Variants in HOXC10 observed in about 807,000 individuals in gnomAD.
The protein encoded by HOXC10 is homeobox protein Hox-C10.
In HOXC10, 15 loss-of-function variants were observed where a neutral mutation model predicts 26.0. The ratio of observed to expected loss-of-function variants is 0.58; its 90% CI spans 0.39 to 0.89. The LOEUF (loss-of-function observed/expected upper bound fraction) is 0.89, where lower values mean the gene tolerates loss of function less well. Among genes scored for constraint, HOXC10 ranks in the 40% least tolerant of loss-of-function variants. HOXC10 has a pLI of 0.00. For synonymous variants in HOXC10, 196 were observed against 185.5 expected (o/e 1.06, Z -0.46); for missense variants, 446 against 451.9 (o/e 0.99, Z 0.12).
Position 53,985,710 on chromosome 12 carries a change from G to A in HOXC10, c.451G>A (p.Ala151Thr), listed in dbSNP as rs767108110. The A allele has an allele frequency of 3.1e-6, 5 of 1,609,984 alleles. No individual in the cohort carries two copies. The highest frequency in any genetic ancestry group is 4.2e-6 in the Non-Finnish European group (5 of 1,177,052). Residue 151 changes from alanine to threonine, a missense_variant, in exon 1 of 2, where the codon GCC becomes ACC. By Grantham distance (58) the Ala-to-Thr change is moderately conservative. Transcript: ENST00000303460. ...GGTACCCGTGCCCAGCTACTACCGC[G>A]CCAGCCCGAGCTACTCCGCGCTGGA... ...HEVPVPSYYR[A>T]SPSYSALDKT...
intron 1 of HOXC10, among the ~76,000 whole-genome samples, chr12:53,988,504 C>A (rs1334734255): frequency 6.6e-6 from 1 of 152,142 alleles, no homozygotes; most frequent in Admixed American, 6.5e-5. Flanking sequence ...CTCTGTTGCC[C>A]CTGACCTCTG....
intron 1 of HOXC10, among the ~76,000 whole-genome samples, chr12:53,988,247 T>C (rs1003031493): frequency 2.0e-5 from 3 of 152,204 alleles, no homozygotes; most frequent in African/African-American, 7.2e-5. Flanking sequence ...TCATGGGAAA[T>C]ACACAGTATT....
chr12:53,985,798 T>C lies in HOXC10; in HGVS notation c.539T>C (p.Leu180Pro). 6.2e-7 allele frequency: 1 copy of C among 1,613,692 alleles called. No homozygotes were observed. Among genetic ancestry groups the C allele is most frequent in the Non-Finnish European group, 8.5e-7 (1 of 1,179,980 alleles). Reference protein sequence around the residue: ...FEAPFEQRASLNPRAEHLESP... With the variant: ...FEAPFEQRASPNPRAEHLESP... Reference sequence around the variant, plus strand: ...GCCCCTTTCGAGCAGCGGGCCAGTCTCAACCCGCGCGCCGAACATCTGGAA... The same window carrying C: ...GCCCCTTTCGAGCAGCGGGCCAGTCCCAACCCGCGCGCCGAACATCTGGAA... The change falls in exon 1 of 2, where the codon CTC (leucine) becomes CCC (proline). Residue 180 changes from leucine (L) to proline (P), a missense_variant. By Grantham distance (98) the Leu-to-Pro change is moderately conservative. Coordinates refer to ENST00000303460, the MANE Select transcript of HOXC10 (RefSeq NM_017409.4).
At chr12:53,988,180 G>A (rs939967120) in intron 1 of HOXC10, among the ~76,000 whole-genome samples, 5 of 152,200 alleles carry the variant, frequency 3.3e-5, no homozygotes, top group Admixed American at 3.3e-4. Flanking sequence ...TACTTGAGAA[G>A]CAAGGCTGGT....
chr12:53,986,080 G>A lies in HOXC10; in HGVS notation c.751+70G>A, dbSNP rs1032044639. 7 of 1,463,686 alleles carry A rather than the reference G, an allele frequency of 4.8e-6. No homozygotes were observed. The East Asian group carries it at 9.5e-5, about 20-fold the overall frequency. 90.7% of individuals were successfully genotyped at this position (1,463,686 alleles called of 1,614,324 possible). On this transcript the variant is annotated intron_variant, in intron 1 of 1. Coordinates refer to ENST00000303460, the MANE Select transcript of HOXC10 (RefSeq NM_017409.4). Reference sequence around the variant, plus strand: ...TTGGTCTTCGCGGCCGGGGAGGGGGGCAGGGGAGAGGGTTGGGCCCAGGAG... The same window carrying A: ...TTGGTCTTCGCGGCCGGGGAGGGGGACAGGGGAGAGGGTTGGGCCCAGGAG...
chr12:53,985,326 G>C lies in HOXC10; in HGVS notation c.67G>C (p.Glu23Gln). ...AEPLAAPGGG[E>Q]RYSRSAGMYM... ...GCCCTTGGCTGCGCCCGGCGGAGGA[G>C]AGCGCTATAGCCGGAGCGCAGGCAT... The change falls in exon 1 of 2, where the codon GAG (glutamate) becomes CAG (glutamine). Residue 23 changes from glutamate (E) to glutamine (Q), a missense_variant. Physicochemically the swap from Glu to Gln is conservative, Grantham distance 29. Transcript: ENST00000303460. The C allele has an allele frequency of 1.9e-6, 3 of 1,608,344 alleles. No homozygotes were observed. In the Middle Eastern group the frequency reaches 5.0e-4, roughly 267 times the overall value.
chr12:53,986,974 G>A (rs1285456261), intron 1 of HOXC10, among the ~76,000 whole-genome samples: 1 of 151,416 alleles, frequency 6.6e-6, no homozygotes, highest in Admixed American at 6.5e-5. Context: ...GAAAGAATGT[G>A]GAGGAAACGG....
rs1395904347 is a variant in HOXC10 at position 53,985,697 on chromosome 12, C to CAGCTACTACCGCGCCAGCCCG, written c.446_466dup (p.Tyr149_Tyr155dup). 1 of 1,610,162 alleles carries CAGCTACTACCGCGCCAGCCCG rather than the reference C, an allele frequency of 6.2e-7. No individual in the cohort carries two copies. Among genetic ancestry groups the CAGCTACTACCGCGCCAGCCCG allele is most frequent in the South Asian group, 1.1e-5 (1 of 91,046 alleles). ...TTGGGGAGCACGAGGTACCCGTGCC[C>CAGCTACTACCGCGCCAGCCCG]AGCTACTACCGCGCCAGCCCGAGCT... On this transcript the variant is annotated inframe_insertion, in exon 1 of 2. Coordinates refer to ENST00000303460, the MANE Select transcript of HOXC10 (RefSeq NM_017409.4).
In HOXC10 at chr12:53,989,404, G is replaced by A. The variant is rs754518171; in HGVS notation, c.987G>A (p.Glu329=). 3.7e-5 allele frequency: 60 copies of A among 1,613,848 alleles called. No individual in the cohort carries two copies. In the Admixed American group the frequency reaches 9.8e-4, roughly 26 times the overall value. ...TGAAACTCAAGAAAATGAACCGAGA[G>A]AATCGGATCCGGGAACTGACCTCCA... ...RRMKLKKMNR[E]NRIRELTSNF... Residue 329 remains glutamate (E), a synonymous_variant, in exon 2 of 2, where the codon GAG becomes GAA. Coordinates refer to ENST00000303460, the MANE Select transcript of HOXC10 (RefSeq NM_017409.4).
chr12:53,985,671 C>G lies in HOXC10; in HGVS notation c.412C>G (p.Leu138Val), dbSNP rs769804747. The G allele has an allele frequency of 6.2e-7, 1 of 1,612,364 alleles. No individual in the cohort carries two copies. The highest frequency in any genetic ancestry group is 1.1e-5 in the South Asian group (1 of 91,074). ...CTCCCACCCCTTGCCGGAGTCCTGC[C>G]TTGGGGAGCACGAGGTACCCGTGCC... ...LYSHPLPESC[L>V]GEHEVPVPSY... Residue 138 changes from leucine to valine, a missense_variant, in exon 1 of 2, where the codon CTT becomes GTT. Coordinates refer to ENST00000303460, the MANE Select transcript of HOXC10 (RefSeq NM_017409.4).
intron 1 of HOXC10, among the ~76,000 whole-genome samples, chr12:53,987,093 C>G (rs1939448879): frequency 6.6e-6 from 1 of 152,202 alleles, no homozygotes; most frequent in African/African-American, 2.4e-5. Flanking sequence ...CCCCACAACA[C>G]CGGCTACTGG....
intron 1 of HOXC10, among the ~76,000 whole-genome samples, chr12:53,987,695 C>G (rs1401668260): frequency 6.6e-6 from 1 of 152,154 alleles, no homozygotes; most frequent in East Asian, 1.9e-4. Flanking sequence ...AGGAATCCCT[C>G]TTACCCTGTA....
At chr12:53,986,518 G>C (rs76080280) in intron 1 of HOXC10, 1 of 152,574 alleles carries the variant, frequency 6.6e-6, no homozygotes, top group African/African-American at 2.4e-5. Context: ...GTTGTTTGTG[G>C]GTCTGATTTG....
chr12:53,987,974 T>C (rs967416052), intron 1 of HOXC10, among the ~76,000 whole-genome samples: 7 of 152,116 alleles, frequency 4.6e-5, no homozygotes, highest in Admixed American at 3.3e-4. Flanking sequence ...TTTGCCTTTT[T>C]TGTGTGTTTT....
intron 1 of HOXC10, chr12:53,986,249 G>T: frequency 2.1e-6 from 1 of 472,534 alleles, no homozygotes; most frequent in East Asian, 3.6e-5. Context: ...CTAAGGCGGG[G>T]GCGGTGCGCA....
chr12:53,989,633 C>A lies in HOXC10; in HGVS notation c.*187C>A. ...GCTGCGAAGATGCTTCCACTTAAAG[C>A]ATGAGAAATGGGGTGCCGGGATGTG... On this transcript the variant is annotated 3_prime_UTR_variant, in exon 2 of 2. Coordinates refer to ENST00000303460, the MANE Select transcript of HOXC10 (RefSeq NM_017409.4). 1.6e-6 allele frequency: 1 copy of A among 630,682 alleles called. No homozygotes were observed. The highest frequency in any genetic ancestry group is 2.7e-6 in the Non-Finnish European group (1 of 366,532). The allele number at this position is 630,682 out of a possible 1,614,324, so 39.1% of individuals were successfully genotyped here.
rs1203899860 is a variant in HOXC10 at position 53,985,182 on chromosome 12, C to T, written c.-78C>T. 1.5e-6 allele frequency: 2 copies of T among 1,336,140 alleles called. No homozygotes were observed. Among genetic ancestry groups the T allele is most frequent in the East Asian group, 2.6e-5 (1 of 38,566 alleles). 82.8% of individuals were successfully genotyped at this position (1,336,140 alleles called of 1,614,324 possible). ...TCCTCCCTCCCCTCCAACCGCGCCC[C>T]CCCTCCCGGATGGGGAAAAAAAAAG... On this transcript the variant is annotated 5_prime_UTR_variant, in exon 1 of 2. Transcript: ENST00000303460.
In HOXC10 at chr12:53,989,986, T is replaced by C. The variant is rs1939494234; in HGVS notation, c.*540T>C. On this transcript the variant is annotated 3_prime_UTR_variant, in exon 2 of 2. Coordinates refer to ENST00000303460, the MANE Select transcript of HOXC10 (RefSeq NM_017409.4). ...CCATGTCTTTACCTCCCAGTCGCTCTAAGAATCTGCTTGAAGTCTCGTATT... is the reference window on the plus strand; with the variant it reads ...CCATGTCTTTACCTCCCAGTCGCTCCAAGAATCTGCTTGAAGTCTCGTATT... 6.5e-6 allele frequency: 1 copy of C among 153,046 alleles called. No homozygotes were observed. Among genetic ancestry groups the C allele is most frequent in the African/African-American group, 2.4e-5 (1 of 41,412 alleles). The allele number at this position is 153,046 out of a possible 1,614,324, so 9.5% of individuals were successfully genotyped here.
rs1251621840 is a variant in HOXC10 at position 53,989,478 on chromosome 12, C to T, written c.*32C>T. ...GGCCTCTCCTCCTCCCTTCCCGCTC[C>T]TTCCTCTCCCCGCCCCTCCTCCCTT... On this transcript the variant is annotated 3_prime_UTR_variant, in exon 2 of 2. Transcript: ENST00000303460. 6.3e-7 allele frequency: 1 copy of T among 1,583,722 alleles called. No individual in the cohort carries two copies. Among genetic ancestry groups the T allele is most frequent in the South Asian group, 1.2e-5 (1 of 86,828 alleles).
Sources: allele counts gnomAD v4.1 joint callset (sites outside exome capture counted in the v4.1 genomes callset), GRCh38; gene constraint gnomAD v4.1.1; transcripts MANE v1.5; gene names NCBI Gene and HGNC (gene_info 2026-07-23, HGNC 2026-07-21).